Variants in FMN1 observed in about 807,000 individuals in gnomAD.
The protein encoded by FMN1 is formin-1.
A neutral mutation model predicts 132.4 loss-of-function variants in FMN1; 110 were observed. The ratio of observed to expected loss-of-function variants is 0.83; its 90% CI spans 0.71 to 0.97. FMN1 has a LOEUF of 0.97. Ranked by LOEUF, FMN1 falls within the 50% of genes least tolerant of loss-of-function variation. FMN1 has a pLI of 0.00. For synonymous variants in FMN1, 722 were observed against 651.7 expected (o/e 1.11, Z -1.64); for missense variants, 1,792 against 1,705.3 (o/e 1.05, Z -0.90).
At chr15:32,888,047 T>C (rs1400265883) in intron 16 of FMN1, 125 bp downstream of exon 16, 10 of 689,540 alleles carry the variant, frequency 1.5e-5, no homozygotes, top group Admixed American at 7.0e-5. Flanking sequence ...TCCTGAAAGC[T>C]GTAGTGTACC....
At chr15:32,909,470 A>G (rs551474899) in intron 11 of FMN1, among the ~76,000 whole-genome samples, 191 of 152,384 alleles carry the variant, frequency 1.3e-3, no homozygotes, top group Non-Finnish European at 1.7e-3. Context: ...CTCCTGATAC[A>G]TATAAAGATG....
At position 32,783,784 on chromosome 15, in the gene FMN1, A is replaced by AAAAAAAAAG. The variant is rs1491184174; in HGVS notation, c.4131-6866_4131-6865insCTTTTTTTT. 2.2e-4 allele frequency among the ~76,000 whole-genome samples: 23 copies of AAAAAAAAAG among 105,868 alleles called. 9 individuals are homozygous for AAAAAAAAAG. In the East Asian group the frequency reaches 4.9e-3, roughly 23 times the overall value. The allele number at this position is 105,868 out of a possible 152,430, so 69.5% of individuals were successfully genotyped here. ...AAAAAAAAAAAAAAAAAAAAAAAAA[A>AAAAAAAAAG]TAGTTGAAGTGGCGTGGCTTTCCAT... On this transcript the variant is annotated intron_variant, in intron 19 of 20. Transcript: ENST00000616417.
At chr15:33,087,675 T>G (rs1408996068) in intron 5 of FMN1, among the ~76,000 whole-genome samples, 2 of 152,116 alleles carry the variant, frequency 1.3e-5, no homozygotes, top group Non-Finnish European at 2.9e-5. Flanking sequence ...AAGAAGTCAT[T>G]ATACGAAAAA....
chr15:33,009,184 G>T (rs953121584), intron 6 of FMN1, among the ~76,000 whole-genome samples: 1 of 152,080 alleles, frequency 6.6e-6, no homozygotes, highest in Non-Finnish European at 1.5e-5. Flanking sequence ...TACCTCGAAT[G>T]GTCTGGTAGT....
chr15:32,793,574 C>T (rs2140953496), intron 19 of FMN1, among the ~76,000 whole-genome samples: 1 of 152,284 alleles, frequency 6.6e-6, no homozygotes, highest in African/African-American at 2.4e-5. Context: ...AGCCACTACG[C>T]CCGGCTGTTC....
chr15:32,847,533 G>C (rs1442955456), intron 17 of FMN1, among the ~76,000 whole-genome samples: 1 of 151,432 alleles, frequency 6.6e-6, no homozygotes, highest in Non-Finnish European at 1.5e-5. Flanking sequence ...AGGAGTTCCA[G>C]AAAAACAGGA....
chr15:33,165,440 G>C (rs528853823), intron 3 of FMN1, among the ~76,000 whole-genome samples: 5 of 152,196 alleles, frequency 3.3e-5, no homozygotes, highest in Non-Finnish European at 7.3e-5. Context: ...ACCCAGGCTG[G>C]AGTGCAGTGG....
intron 4 of FMN1, among the ~76,000 whole-genome samples, chr15:33,113,458 A>G (rs1566927022): frequency 6.6e-6 from 1 of 152,166 alleles, no homozygotes; most frequent in Non-Finnish European, 1.5e-5. Context: ...TTTATGTAAC[A>G]TAGATGTGAA....
rs1450988359 is a variant in FMN1 at position 32,954,263 on chromosome 15, C to G, written c.3138+9844G>C. On this transcript the variant is annotated intron_variant, in intron 9 of 20. Coordinates refer to ENST00000616417, the MANE Select transcript of FMN1 (RefSeq NM_001277313.2). ...ATTATTAAAATCAGAACAATTATTT[C>G]CTGAACCCCCATGTACCTATGGCTC... Among the ~76,000 whole-genome samples, 3 of 152,292 alleles carry G rather than the reference C, an allele frequency of 2.0e-5. No individual in the cohort carries two copies. The East Asian group carries it at 5.8e-4, about 29-fold the overall frequency.
intron 16 of FMN1, among the ~76,000 whole-genome samples, chr15:32,872,918 A>C (rs1199275199): frequency 1.3e-5 from 2 of 150,804 alleles, no homozygotes; most frequent in South Asian, 4.2e-4. Context: ...AATGACAGAA[A>C]GGCATAAAGA....
At chr15:32,812,567 T>C (rs935026730) in intron 17 of FMN1, among the ~76,000 whole-genome samples, 3 of 152,252 alleles carry the variant, frequency 2.0e-5, no homozygotes, top group Non-Finnish European at 2.9e-5. Flanking sequence ...ATTGTGCTCC[T>C]GCATTTTGGC....
At chr15:32,851,564 G>GA (rs1247801367) in intron 17 of FMN1, among the ~76,000 whole-genome samples, 1 of 152,046 alleles carries the variant, frequency 6.6e-6, no homozygotes, top group Non-Finnish European at 1.5e-5. Flanking sequence ...GTGTGGAAAA[G>GA]AAAAAAGACA....
At position 33,154,494 on chromosome 15, in the gene FMN1, C is replaced by T; in HGVS notation, c.421G>A (p.Gly141Arg). Residue 141 changes from glycine to arginine, a missense_variant, in exon 4 of 21, where the codon GGA becomes AGA. Gly to Arg is a moderately radical substitution (Grantham distance 125, BLOSUM62 -2). This residue lies in a region of FMN1 where 638 missense variants were observed against 645.2 expected (regional missense o/e 0.99). Transcript: ENST00000616417. Reference protein sequence around the residue: ...DCFQSAGDWQGELPVGPLNKR... With the variant: ...DCFQSAGDWQRELPVGPLNKR... ...TTGAGAGGGCCCACGGGGAGCTCTC[C>T]CTGCCAGTCACCAGCACTCTGGAAA... 1 of 1,535,938 alleles carries T rather than the reference C, an allele frequency of 6.5e-7. No individual in the cohort carries two copies. The highest frequency in any genetic ancestry group is 8.7e-7 in the Non-Finnish European group (1 of 1,146,908).
chr15:32,812,846 G>C (rs1348541433), intron 17 of FMN1, among the ~76,000 whole-genome samples: 1 of 152,182 alleles, frequency 6.6e-6, no homozygotes, highest in African/African-American at 2.4e-5. Context: ...AAATATTTCA[G>C]GTGTCATGTA....
chr15:32,838,457 G>A (rs2058675022), intron 17 of FMN1, among the ~76,000 whole-genome samples: 1 of 107,494 alleles, frequency 9.3e-6, no homozygotes, highest in African/African-American at 3.4e-5. Flanking sequence ...GGATCCAAGA[G>A]GAAAACATAG....
intron 10 of FMN1, among the ~76,000 whole-genome samples, chr15:32,923,337 G>T (rs1433391911): frequency 6.6e-6 from 1 of 152,232 alleles, no homozygotes; most frequent in Non-Finnish European, 1.5e-5. Context: ...CACAAATTCA[G>T]AATGAAATAT....
At chr15:33,108,745 T>C (rs1461004946) in intron 4 of FMN1, among the ~76,000 whole-genome samples, 2 of 152,142 alleles carry the variant, frequency 1.3e-5, no homozygotes, top group African/African-American at 2.4e-5. Flanking sequence ...TGCCTTTTCC[T>C]TGATTCATTA....
intron 5 of FMN1, among the ~76,000 whole-genome samples, chr15:33,084,362 G>T (rs370162373): frequency 1.1e-4 from 17 of 152,154 alleles, no homozygotes; most frequent in African/African-American, 3.9e-4. Context: ...CCCGAAGAGG[G>T]GGTCATAGGA....
intron 9 of FMN1, among the ~76,000 whole-genome samples, chr15:32,940,839 G>A (rs1233322393): frequency 1.3e-5 from 2 of 152,148 alleles, no homozygotes; most frequent in Non-Finnish European, 2.9e-5. Flanking sequence ...CTAGGGTAAA[G>A]GTTCTTCCGG....
Sources: allele counts gnomAD v4.1 joint callset (sites outside exome capture counted in the v4.1 genomes callset), GRCh38; gene constraint gnomAD v4.1.1; regional missense constraint gnomAD v4.1.1; transcripts MANE v1.5; gene names NCBI Gene and HGNC (gene_info 2026-07-23, HGNC 2026-07-21).